Variants in DCT observed in about 807,000 individuals in gnomAD.
DCT encodes the protein dopachrome tautomerase.
A neutral mutation model predicts 53.0 loss-of-function variants in DCT; 47 were observed. The ratio of observed to expected loss-of-function variants is 0.89; its 90% CI spans 0.70 to 1.13. DCT has a LOEUF of 1.13. Among genes scored for constraint, DCT ranks in the 50% most tolerant of loss-of-function variants. The pLI, the probability that DCT is intolerant of heterozygous loss-of-function variation, is 0.00. For missense variants in DCT, 669 were observed against 637.4 expected (o/e 1.05, Z -0.53); for synonymous variants, 244 against 237.0 (o/e 1.03, Z -0.27).
chr13:94,497,158 A>G, the DCT span, among the ~76,000 whole-genome samples: 1 of 152,204 alleles, frequency 6.6e-6, no homozygotes, highest in Non-Finnish European at 1.5e-5. Flanking sequence ...ACTGCTCTTC[A>G]TAACGTAGGT....
the DCT span, among the ~76,000 whole-genome samples, chr13:94,511,362 C>CT: frequency 0.018 from 1,497 of 83,538 alleles, 34 homozygotes; most frequent in East Asian, 0.23. Flanking sequence ...CTCTCTCTCT[C>CT]TTTTTTTTTT....
chr13:94,443,705 G>A lies in DCT; in HGVS notation c.1180-68C>T, dbSNP rs1594272151. 6 of 1,274,000 alleles carry A rather than the reference G, an allele frequency of 4.7e-6. No individual in the cohort carries two copies. The East Asian group carries it at 1.2e-4, about 25-fold the overall frequency. 78.9% of individuals were successfully genotyped at this position (1,274,000 alleles called of 1,614,324 possible). A position where few individuals can be genotyped will look rare whatever the true frequency, so the allele number is the denominator to read the frequency against. On this transcript the variant is annotated intron_variant, in intron 6 of 7. Coordinates refer to ENST00000377028, the MANE Select transcript of DCT (RefSeq NM_001922.5). The stretch of plus-strand genomic sequence containing the variant: ...TTCCGATCACACCAACCTGACTGTT[G>A]CTTTCTCTAAAGTGGAATAACTTCT...
chr13:94,441,867 T>C (rs1158892368), intron 7 of DCT, among the ~76,000 whole-genome samples: 1 of 152,218 alleles, frequency 6.6e-6, no homozygotes, highest in Non-Finnish European at 1.5e-5. Context: ...ACCAGAAGTA[T>C]AATTGCTGGG....
the DCT span, among the ~76,000 whole-genome samples, chr13:94,502,545 C>T: frequency 7.0e-3 from 1,072 of 152,300 alleles, 17 homozygotes; most frequent in African/African-American, 0.025. Flanking sequence ...CCTCAACACT[C>T]AGCTGCGAGG....
the DCT span, among the ~76,000 whole-genome samples, chr13:94,536,146 T>G: frequency 6.6e-6 from 1 of 152,212 alleles, no homozygotes; most frequent in Non-Finnish European, 1.5e-5. Context: ...CAAAAGGTTG[T>G]GTTCAGAAAT....
the DCT span, among the ~76,000 whole-genome samples, chr13:94,490,504 CAAAAAAA>C: frequency 4.2e-4 from 15 of 35,486 alleles, no homozygotes; most frequent in East Asian, 8.4e-4. Context: ...GACTCGGTCT[CAAAAAAA>C]AAAAAAAAAA....
At chr13:94,478,638 C>T (rs75627985) in intron 1 of DCT, among the ~76,000 whole-genome samples, 1,564 of 152,364 alleles carry the variant, frequency 0.01, 18 homozygotes, top group Non-Finnish European at 0.015. Context: ...CTTGAAAGGA[C>T]TTGCTCCGAG....
the DCT span, among the ~76,000 whole-genome samples, chr13:94,529,140 C>A: frequency 1.3e-5 from 2 of 152,124 alleles, no homozygotes; most frequent in Non-Finnish European, 2.9e-5. Context: ...ATTCATAAAC[C>A]AAGTCCTTAG....
chr13:94,477,676 A>C (rs1476621509), intron 1 of DCT, among the ~76,000 whole-genome samples: 1 of 151,398 alleles, frequency 6.6e-6, no homozygotes, highest in Non-Finnish European at 1.5e-5. Context: ...AAAAAATCGA[A>C]TGTCATTCCT....
At chr13:94,529,855 G>A in the DCT span, among the ~76,000 whole-genome samples, 1 of 152,100 alleles carries the variant, frequency 6.6e-6, no homozygotes, top group African/African-American at 2.4e-5. Context: ...TCCAGCAGCT[G>A]GTTCTTTGAA....
Position 94,465,696 on chromosome 13 carries a change from G to C in DCT, c.800C>G (p.Pro267Arg). The C allele has an allele frequency of 6.2e-7, 1 of 1,613,442 alleles. No homozygotes were observed. The highest frequency in any genetic ancestry group is 1.1e-5 in the South Asian group (1 of 91,022). Reference sequence around the variant, plus strand: ...CCGACTAATCAGAGTCGGATCGTCTGGTCTCGCTGCCCCAAACAGCTGGTC... The same window carrying C: ...CCGACTAATCAGAGTCGGATCGTCTCGTCTCGCTGCCCCAAACAGCTGGTC... Reference protein sequence around the residue: ...CTDQLFGAARPDDPTLISRNS... With the variant: ...CTDQLFGAARRDDPTLISRNS... The change falls in exon 4 of 8, where the codon CCA becomes CGA. Residue 267 changes from proline to arginine, a missense_variant. Coordinates refer to ENST00000377028, the MANE Select transcript of DCT (RefSeq NM_001922.5).
the DCT span, among the ~76,000 whole-genome samples, chr13:94,526,363 C>T: frequency 6.6e-6 from 1 of 152,188 alleles, no homozygotes; most frequent in East Asian, 1.9e-4. Context: ...ATTTGAGTAA[C>T]ACGGATATTC....
chr13:94,476,862 T>C (rs1885125246), intron 1 of DCT, among the ~76,000 whole-genome samples: 1 of 152,196 alleles, frequency 6.6e-6, no homozygotes, highest in African/African-American at 2.4e-5. Flanking sequence ...TCAATCACGC[T>C]AACCACACCA....
the DCT span, among the ~76,000 whole-genome samples, chr13:94,524,108 C>G: frequency 6.6e-6 from 1 of 152,128 alleles, no homozygotes; most frequent in Non-Finnish European, 1.5e-5. Flanking sequence ...CTGTTTCATC[C>G]CCAAAAAAGC....
chr13:94,536,590 C>G, the DCT span, among the ~76,000 whole-genome samples: 4 of 152,114 alleles, frequency 2.6e-5, no homozygotes, highest in Non-Finnish European at 4.4e-5. Flanking sequence ...TACCTCCTCT[C>G]TCTTGCTCCC....
In DCT at chr13:94,478,948, G is replaced by C; in HGVS notation, c.295+13C>G. On this transcript the variant is annotated intron_variant, in intron 1 of 7. Transcript: ENST00000377028. ...TCTGGCCCTCCCCACCAAGCTTGGA[G>C]CATGGGCCTCACCTGTGCACTTGCA... is the stretch of plus-strand genomic sequence containing the variant. 6.3e-7 allele frequency: 1 copy of C among 1,588,094 alleles called. No individual in the cohort carries two copies. Among genetic ancestry groups the C allele is most frequent in the Non-Finnish European group, 8.6e-7 (1 of 1,161,768 alleles).
At chr13:94,482,184 A>G (rs1054632199), upstream of DCT, among the ~76,000 whole-genome samples, 1 of 152,240 alleles carries the variant, frequency 6.6e-6, no homozygotes, top group Non-Finnish European at 1.5e-5. Flanking sequence ...GCAATGAGTC[A>G]TGTGCAGTTG....
the DCT span, among the ~76,000 whole-genome samples, chr13:94,502,392 G>A: frequency 1.2e-4 from 18 of 152,166 alleles, no homozygotes; most frequent in Non-Finnish European, 2.1e-4. Flanking sequence ...GGAAGGACAC[G>A]GACCTTCCTC....
intron 1 of DCT, among the ~76,000 whole-genome samples, chr13:94,478,597 A>G (rs1419182594): frequency 6.6e-6 from 1 of 152,208 alleles, no homozygotes; most frequent in Non-Finnish European, 1.5e-5. Flanking sequence ...AACAAGTGCA[A>G]ACCCATTTCA....
Sources: allele counts gnomAD v4.1 joint callset (sites outside exome capture counted in the v4.1 genomes callset), GRCh38; gene constraint gnomAD v4.1.1; transcripts MANE v1.5; gene names NCBI Gene and HGNC (gene_info 2026-07-23, HGNC 2026-07-21).